The following INTS9 variants were observed in gnomAD, a reference collection of about 807,000 sequenced individuals.
INTS9 encodes protein related to CPSF subunits of 74 kDa.
Under a neutral mutation model 79.7 loss-of-function variants are expected in INTS9, and 55 were observed. That is an observed-to-expected ratio of 0.69 (90% CI 0.56 to 0.86). The LOEUF (loss-of-function observed/expected upper bound fraction) is 0.86, where lower values mean the gene tolerates loss of function less well. Among genes scored for constraint, INTS9 ranks in the 40% least tolerant of loss-of-function variants. The pLI, the probability that INTS9 is intolerant of heterozygous loss-of-function variation, is 0.00. For missense variants in INTS9, 721 were observed against 831.5 expected (o/e 0.87, Z 1.64); for synonymous variants, 319 against 325.2 (o/e 0.98, Z 0.20).
At chr8:28,804,115 G>A (rs567626663) in intron 8 of INTS9, among the ~76,000 whole-genome samples, 33 of 151,940 alleles carry the variant, frequency 2.2e-4, no homozygotes, top group Non-Finnish European at 4.0e-4. Context: ...GTAGAGACGG[G>A]GTCCCACTAT....
In INTS9 at chr8:28,775,801, C is replaced by T; in HGVS notation, c.1521G>A (p.Leu507=). Residue 507 remains leucine, a synonymous_variant, in exon 14 of 17, where the codon CTG becomes CTA. Transcript: ENST00000521022. ...TCTTCTCGTACCGACGTTTGAAGGGCAGGGCGAGAACCTCAGCCCGCCGAT... is the reference window on the plus strand; with the variant it reads ...TCTTCTCGTACCGACGTTTGAAGGGTAGGGCGAGAACCTCAGCCCGCCGAT... The part of the protein sequence containing the change: ...MSYRRAEVLA[L]PFKRRYEKIE... The T allele has an allele frequency of 6.2e-7, 1 of 1,613,928 alleles. No homozygotes were observed. Among genetic ancestry groups the T allele is most frequent in the Non-Finnish European group, 8.5e-7 (1 of 1,179,952 alleles).
rs970178769 is a variant in INTS9 at position 28,770,026 on chromosome 8, G to A, written c.1663C>T (p.Pro555Ser). Residue 555 changes from proline to serine, a missense_variant and splice_region_variant, in exon 16 of 17, where the codon CCC becomes TCC. Physicochemically the swap from Pro to Ser is moderately conservative, Grantham distance 74. Transcript: ENST00000521022. ...HTKDNKHLLQ[P>S]PPRPAQPTSG... is the part of the protein sequence containing the mutation. ...GTGGGCTGGGCGGGCCGAGGAGGGGGCTAGAGCAGAAGGAAAGAGTGGCTT... is the reference window on the plus strand; with the variant it reads ...GTGGGCTGGGCGGGCCGAGGAGGGGACTAGAGCAGAAGGAAAGAGTGGCTT... 1.9e-6 allele frequency: 3 copies of A among 1,613,626 alleles called. No homozygotes were observed. Among genetic ancestry groups the A allele is most frequent in the South Asian group, 1.1e-5 (1 of 91,070 alleles).
intron 10 of INTS9, among the ~76,000 whole-genome samples, chr8:28,790,166 T>A (rs1462832433): frequency 3.9e-5 from 6 of 152,114 alleles, no homozygotes; most frequent in Non-Finnish European, 7.4e-5. Context: ...AGGCCGGGCC[T>A]GAGGCTGAGC....
chr8:28,806,336 C>A (rs934087334), intron 8 of INTS9, among the ~76,000 whole-genome samples: 1 of 152,086 alleles, frequency 6.6e-6, no homozygotes, highest in African/African-American at 2.4e-5. Context: ...ATCGAAGCAT[C>A]CTGATAAAAA....
chr8:28,807,179 T>G (rs1459728274), intron 8 of INTS9, among the ~76,000 whole-genome samples: 1 of 152,176 alleles, frequency 6.6e-6, no homozygotes, highest in Non-Finnish European at 1.5e-5. Context: ...TCTATGCCTA[T>G]GATTTTGAAA....
intron 15 of INTS9, among the ~76,000 whole-genome samples, chr8:28,770,375 C>T (rs940219218): frequency 6.6e-6 from 1 of 152,234 alleles, no homozygotes; most frequent in Non-Finnish European, 1.5e-5. Context: ...GCTGGGCACA[C>T]TGGCTGTGGG....
chr8:28,825,846 G>C (rs11778735), intron 6 of INTS9, among the ~76,000 whole-genome samples: 79,826 of 152,102 alleles, frequency 0.52, 22,929 homozygotes, highest in Non-Finnish European at 0.65. Context: ...GTTTCAAGTA[G>C]GGACACAATT....
intron 8 of INTS9, among the ~76,000 whole-genome samples, chr8:28,799,821 AC>A (rs1369537214): frequency 2.0e-5 from 3 of 152,194 alleles, no homozygotes; most frequent in African/African-American, 7.2e-5. Flanking sequence ...AGCCAGCAAC[AC>A]CCAACTCGGG....
chr8:28,860,810 C>T (rs901760414), intron 1 of INTS9, among the ~76,000 whole-genome samples: 3 of 152,178 alleles, frequency 2.0e-5, no homozygotes, highest in African/African-American at 7.2e-5. Flanking sequence ...AAAGACAGCA[C>T]GAGTGAGAGT....
intron 8 of INTS9, among the ~76,000 whole-genome samples, chr8:28,805,375 T>A (rs1177672062): frequency 1.3e-5 from 2 of 152,210 alleles, no homozygotes; most frequent in Non-Finnish European, 2.9e-5. Context: ...AAGACATTCT[T>A]AATAATTCAA....
At chr8:28,884,037 G>A (rs554855113) in intron 1 of INTS9, among the ~76,000 whole-genome samples, 36 of 152,190 alleles carry the variant, frequency 2.4e-4, no homozygotes, top group African/African-American at 7.9e-4. Context: ...CTGTGGTACC[G>A]TGGTTATAGC....
Position 28,770,021 on chromosome 8 carries a change from A to AG in INTS9, c.1667dup (p.Pro557SerfsTer18). ...CGCTCGTGGGCTGGGCGGGCCGAGG[A>AG]GGGGGCTAGAGCAGAAGGAAAGAGT... is the stretch of plus-strand genomic sequence containing the variant. On this transcript the variant is annotated frameshift_variant, in exon 16 of 17. Transcript: ENST00000521022. LOFTEE classifies it high-confidence loss of function. 1 of 1,613,692 alleles carries AG rather than the reference A, an allele frequency of 6.2e-7. No individual in the cohort carries two copies.
intron 10 of INTS9, 28 bp downstream of exon 10, chr8:28,793,779 C>T: frequency 8.4e-7 from 1 of 1,188,014 alleles, no homozygotes; most frequent in Non-Finnish European, 1.1e-6. Context: ...ATAAAATTCA[C>T]AAAAAAAAAA....
intron 6 of INTS9, among the ~76,000 whole-genome samples, chr8:28,826,552 C>T (rs1207208340): frequency 6.6e-6 from 1 of 152,184 alleles, no homozygotes; most frequent in Non-Finnish European, 1.5e-5. Flanking sequence ...CCCCTACCCA[C>T]AGGATTCACC....
intron 8 of INTS9, among the ~76,000 whole-genome samples, chr8:28,806,468 A>G (rs1265256522): frequency 6.6e-6 from 1 of 152,222 alleles, no homozygotes; most frequent in East Asian, 1.9e-4. Flanking sequence ...TCAACAACTA[A>G]CACACCCTTT....
intron 8 of INTS9, among the ~76,000 whole-genome samples, chr8:28,798,961 T>C (rs554698157): frequency 6.6e-6 from 1 of 152,230 alleles, no homozygotes. Context: ...CAAGACTCTC[T>C]CCCTCTCAAA....
At chr8:28,860,479 T>C (rs1808400891) in intron 1 of INTS9, among the ~76,000 whole-genome samples, 1 of 151,990 alleles carries the variant, frequency 6.6e-6, no homozygotes, top group South Asian at 2.1e-4. Context: ...TCTCTCCTTT[T>C]TTTTTTTTTT....
chr8:28,796,154 A>C (rs1238725054), intron 9 of INTS9, among the ~76,000 whole-genome samples: 3 of 152,168 alleles, frequency 2.0e-5, no homozygotes, highest in Non-Finnish European at 1.5e-5. Context: ...TACAAAAAAT[A>C]CAGAAATTAG....
intron 2 of INTS9, among the ~76,000 whole-genome samples, chr8:28,856,345 G>A (rs1354201546): frequency 6.6e-6 from 1 of 152,150 alleles, no homozygotes; most frequent in East Asian, 1.9e-4. Flanking sequence ...ACCCTATCTG[G>A]AAGGATACAT....
Sources: allele counts gnomAD v4.1 joint callset (sites outside exome capture counted in the v4.1 genomes callset), GRCh38; gene constraint gnomAD v4.1.1; transcripts MANE v1.5; gene names NCBI Gene and HGNC (gene_info 2026-07-23, HGNC 2026-07-21).